IRAK3: variants seen among roughly 807,000 people sequenced by gnomAD.
IRAK3 encodes the protein interleukin 1 receptor associated kinase 3.
In IRAK3, 57 loss-of-function variants were observed where a neutral mutation model predicts 56.6. The ratio of observed to expected loss-of-function variants is 1.01; its 90% CI spans 0.81 to 1.26. The LOEUF (loss-of-function observed/expected upper bound fraction) is 1.26, where lower values mean the gene tolerates loss of function less well. Ranked by LOEUF, IRAK3 falls within the 50% of genes most tolerant of loss-of-function variation. The probability of loss-of-function intolerance (pLI) is 0.00; values close to 1 mark genes in which losing one functional copy is unlikely to be tolerated. For synonymous variants in IRAK3, 258 were observed against 255.7 expected (o/e 1.01, Z -0.09); for missense variants, 703 against 719.0 (o/e 0.98, Z 0.25).
At chr12:66,228,462 C>G in intron 8 of IRAK3, 92 bp downstream of exon 8, 1 of 869,516 alleles carries the variant, frequency 1.2e-6, no homozygotes, top group Non-Finnish European at 2.0e-6. Context: ...CTGTAGTTCT[C>G]CTGGTATGTA....
At chr12:66,245,336 A>G (rs563036993) in intron 11 of IRAK3, 74 bp downstream of exon 11, 19 of 1,442,080 alleles carry the variant, frequency 1.3e-5, no homozygotes, top group South Asian at 1.2e-4. Flanking sequence ...TAAATTGTGT[A>G]TCTAAGTGAA....
intron 8 of IRAK3, among the ~76,000 whole-genome samples, chr12:66,240,684 T>C (rs1276645509): frequency 6.6e-6 from 1 of 152,084 alleles, no homozygotes; most frequent in South Asian, 2.1e-4. Context: ...GGGTCCTCTT[T>C]ATCTCTGGAG....
intron 5 of IRAK3, among the ~76,000 whole-genome samples, chr12:66,214,717 T>C (rs1206206667): frequency 6.6e-6 from 1 of 152,076 alleles, no homozygotes; most frequent in Admixed American, 6.6e-5. Context: ...TTTAAAAAAA[T>C]TGACTTTTAA....
In IRAK3 at chr12:66,189,387, G is replaced by A; in HGVS notation, c.88G>A (p.Ala30Thr). ...GCCCGCGCTGCTCGGAGAGCTCTGC[G>A]CTGTTCTGGACAGCTGCGACGGCGC... ...LPPALLGELC[A>T]VLDSCDGALG... The change falls in exon 1 of 12, where the codon GCT becomes ACT. Residue 30 changes from alanine to threonine, a missense_variant. Transcript: ENST00000261233. 1.3e-6 allele frequency: 2 copies of A among 1,527,676 alleles called. No homozygotes were observed. The highest frequency in any genetic ancestry group is 1.7e-6 in the Non-Finnish European group (2 of 1,143,238). 94.6% of individuals were successfully genotyped at this position (1,527,676 alleles called of 1,614,324 possible).
rs781763199 is a variant in IRAK3, at chr12:66,245,015, G to T, written c.1149+5G>T. The T allele has an allele frequency of 1.7e-5, 27 of 1,613,820 alleles. No homozygotes were observed. The highest frequency in any genetic ancestry group is 2.3e-5 in the Non-Finnish European group (27 of 1,179,846). ...GATCCAAAACATATCCAGCTGGTAAGAATTGTTTTCATCCTGGCACCTATC... is the reference window on the plus strand; with the variant it reads ...GATCCAAAACATATCCAGCTGGTAATAATTGTTTTCATCCTGGCACCTATC... On this transcript the variant is annotated splice_donor_5th_base_variant and intron_variant, in intron 10 of 11. Coordinates refer to ENST00000261233, the MANE Select transcript of IRAK3 (RefSeq NM_007199.3).
chr12:66,223,882 T>C (rs2052760803), intron 6 of IRAK3, among the ~76,000 whole-genome samples: 1 of 151,500 alleles, frequency 6.6e-6, no homozygotes, highest in South Asian at 2.1e-4. Flanking sequence ...ACCAATCTAA[T>C]AAAATAATTC....
At chr12:66,244,757 A>G in intron 9 of IRAK3, 73 bp downstream of exon 9, 11 of 1,402,060 alleles carry the variant, frequency 7.8e-6, no homozygotes, top group Non-Finnish European at 9.1e-6. Context: ...AATTTTTTAA[A>G]GAGTTTTAAC....
intron 11 of IRAK3, among the ~76,000 whole-genome samples, chr12:66,247,132 T>A (rs1414947038): frequency 6.6e-6 from 1 of 152,092 alleles, no homozygotes; most frequent in Admixed American, 6.5e-5. Context: ...TAGCTGGGCA[T>A]GGTGGCACGT....
intron 6 of IRAK3, among the ~76,000 whole-genome samples, chr12:66,225,630 C>T (rs1436146322): frequency 6.6e-6 from 1 of 152,004 alleles, no homozygotes; most frequent in Non-Finnish European, 1.5e-5. Context: ...AAACCGAGTT[C>T]ACAGTATGTG....
chr12:66,224,701 A>G (rs1421997037), intron 6 of IRAK3, among the ~76,000 whole-genome samples: 1 of 152,142 alleles, frequency 6.6e-6, no homozygotes, highest in African/African-American at 2.4e-5. Context: ...AGATGTTTTA[A>G]TTACTGATTA....
chr12:66,205,728 T>C (rs1017500821), intron 2 of IRAK3, among the ~76,000 whole-genome samples: 1 of 152,222 alleles, frequency 6.6e-6, no homozygotes, highest in African/African-American at 2.4e-5. Flanking sequence ...TATTCTGTTT[T>C]GTGGAACTGA....
At chr12:66,221,083 C>T (rs2052728674) in intron 6 of IRAK3, among the ~76,000 whole-genome samples, 1 of 152,124 alleles carries the variant, frequency 6.6e-6, no homozygotes. Context: ...AAAATTTTCA[C>T]CTCCTTGGTT....
chr12:66,240,920 A>G (rs1271816213), intron 8 of IRAK3, among the ~76,000 whole-genome samples: 6 of 151,850 alleles, frequency 4.0e-5, no homozygotes, highest in Middle Eastern at 3.5e-3. Flanking sequence ...CATGCCAAAT[A>G]TGGTATTTTC....
chr12:66,244,410 G>T, intron 8 of IRAK3, 76 bp from the exon 9 acceptor site: 1 of 1,030,578 alleles, frequency 9.7e-7, no homozygotes. Context: ...TGAAGAAGGT[G>T]AGTTTATAGT....
At chr12:66,239,065 A>G (rs1435882033) in intron 8 of IRAK3, among the ~76,000 whole-genome samples, 3 of 152,216 alleles carry the variant, frequency 2.0e-5, no homozygotes, top group Non-Finnish European at 4.4e-5. Context: ...ACATTTATGA[A>G]CTATTTTAAA....
rs1023602020 is a variant in IRAK3, at chr12:66,205,365, G to A, written c.316+1472G>A. 2.6e-5 allele frequency among the ~76,000 whole-genome samples: 4 copies of A among 152,096 alleles called. 1 individual carries two copies. The highest frequency in any genetic ancestry group is 4.1e-4 in the South Asian group (2 of 4,824). ...AGCCGATTGGTAAAAAGACTTTACT[G>A]CCCTAGTACAAAGAGATAGGTAAAT... On this transcript the variant is annotated intron_variant, in intron 2 of 11. Coordinates refer to ENST00000261233, the MANE Select transcript of IRAK3 (RefSeq NM_007199.3).
chr12:66,208,557 T>TTAGAA (rs1259015460), intron 2 of IRAK3, among the ~76,000 whole-genome samples: 1 of 151,674 alleles, frequency 6.6e-6, no homozygotes, highest in African/African-American at 2.4e-5. Flanking sequence ...GCTCAGGAGT[T>TTAGAA]TGAGACCAAC....
At chr12:66,210,656 T>A (rs1277527083) in intron 4 of IRAK3, among the ~76,000 whole-genome samples, 2 of 152,206 alleles carry the variant, frequency 1.3e-5, no homozygotes, top group African/African-American at 4.8e-5. Context: ...AAGAATAATT[T>A]AGTTCCACCT....
At position 66,197,656 on chromosome 12, in the gene IRAK3, T is replaced by C. The variant is rs2052467651; in HGVS notation, c.134-6055T>C. 3.0e-6 allele frequency: 3 copies of C among 985,410 alleles called. No homozygotes were observed. The South Asian group carries it at 1.4e-4, about 46-fold the overall frequency. 61.0% of individuals were successfully genotyped at this position (985,410 alleles called of 1,614,324 possible). The stretch of plus-strand genomic sequence containing the variant: ...TCTGGATCAGTTTTTTACCATGAAC[T>C]TCTGCTATTAGAAAAAATGCCTTTG... On this transcript the variant is annotated intron_variant, in intron 1 of 11. Coordinates refer to ENST00000261233, the MANE Select transcript of IRAK3 (RefSeq NM_007199.3).
Sources: gnomAD v4.1 joint callset for allele counts (sites outside exome capture counted in the v4.1 genomes callset) on GRCh38, gnomAD v4.1.1 for gene constraint, MANE v1.5 for transcripts, NCBI Gene and HGNC (gene_info 2026-07-23, HGNC 2026-07-21) for gene names.